The following ANKHD1 variants were observed in gnomAD, a reference collection of about 807,000 sequenced individuals.
ANKHD1 encodes the protein ankyrin repeat and KH domain containing 1.
In ANKHD1, 31 loss-of-function variants were observed where a neutral mutation model predicts 230.5. The observed-to-expected ratio is 0.13, with a 90% CI of 0.10 to 0.18. The LOEUF (loss-of-function observed/expected upper bound fraction) is 0.18, where lower values mean the gene tolerates loss of function less well. Among genes scored for constraint, ANKHD1 ranks in the 10% least tolerant of loss-of-function variants. The pLI is 1.00. For missense variants in ANKHD1, 2,256 were observed against 3,071.3 expected (o/e 0.73, Z 6.27); for synonymous variants, 1,074 against 1,117.6 (o/e 0.96, Z 0.78).
intron 24 of ANKHD1, among the ~76,000 whole-genome samples, chr5:140,519,719 A>G (rs1166762732): frequency 6.6e-6 from 1 of 152,218 alleles, no homozygotes; most frequent in African/African-American, 2.4e-5. Context: ...AAAACTGGCT[A>G]GCCATATGTA....
At chr5:140,435,093 C>T (rs939872338) in intron 1 of ANKHD1, among the ~76,000 whole-genome samples, 1 of 152,094 alleles carries the variant, frequency 6.6e-6, no homozygotes, top group East Asian at 1.9e-4. Flanking sequence ...GCCAGGTATT[C>T]GTAGGCCCAA....
chr5:140,461,053 A>C (rs1451309748), intron 9 of ANKHD1, among the ~76,000 whole-genome samples: 1 of 152,194 alleles, frequency 6.6e-6, no homozygotes, highest in Non-Finnish European at 1.5e-5. Context: ...GTGCTATTGT[A>C]ACGTGTTTTT....
chr5:140,535,484 A>G lies in ANKHD1; in HGVS notation c.6973A>G (p.Ser2325Gly), dbSNP rs1754027523. ...AGGGCCAGCTCCTGTTGGGACTCCT[A>G]GTTTCAACAGACAACATTTTTCTCC... ...LQGPAPVGTP[S>G]FNRQHFSPHP... The change falls in exon 30 of 34, where the codon AGT becomes GGT. Residue 2325 changes from serine to glycine, a missense_variant. Around this residue, in one of 13 missense-constraint regions of ANKHD1, gnomAD observed 778 missense variants for 966.5 expected, o/e 0.80. Coordinates refer to ENST00000360839, the MANE Select transcript of ANKHD1 (RefSeq NM_017747.3). 6.2e-7 allele frequency: 1 copy of G among 1,612,896 alleles called. No individual in the cohort carries two copies. The highest frequency in any genetic ancestry group is 1.1e-5 in the South Asian group (1 of 90,892).
At chr5:140,446,792 T>C (rs541901101) in intron 6 of ANKHD1, among the ~76,000 whole-genome samples, 1 of 152,326 alleles carries the variant, frequency 6.6e-6, no homozygotes, top group African/African-American at 2.4e-5. Context: ...CAAACATATA[T>C]ATATTTTAAA....
At chr5:140,472,582 G>A (rs1312688158) in intron 10 of ANKHD1, 1 of 555,480 alleles carries the variant, frequency 1.8e-6, no homozygotes, top group African/African-American at 2.0e-5. Context: ...CCTTTATTGG[G>A]AGAGTTAGTA....
Position 140,459,374 on chromosome 5 carries a change from C to A in ANKHD1, c.1672+19C>A. Reference sequence around the variant, plus strand: ...GCTTCTGGTATGTGGCTTTAAGATGCCTTATTGCTCAGAAAGACAAATACA... The same window carrying A: ...GCTTCTGGTATGTGGCTTTAAGATGACTTATTGCTCAGAAAGACAAATACA... On this transcript the variant is annotated intron_variant, in intron 9 of 33. Transcript: ENST00000360839. 6.6e-7 allele frequency: 1 copy of A among 1,518,900 alleles called. No individual in the cohort carries two copies. The highest frequency in any genetic ancestry group is 8.9e-7 in the Non-Finnish European group (1 of 1,125,036). The allele number at this position is 1,518,900 out of a possible 1,614,324, so 94.1% of individuals were successfully genotyped here.
chr5:140,478,979 A>T (rs868503539), intron 10 of ANKHD1, among the ~76,000 whole-genome samples: 2 of 121,874 alleles, frequency 1.6e-5, no homozygotes, highest in East Asian at 2.3e-4. Context: ...TTTTTATTTT[A>T]TTTATTTTTT....
intron 14 of ANKHD1, among the ~76,000 whole-genome samples, chr5:140,490,036 T>G (rs1335041067): frequency 1.3e-5 from 2 of 152,244 alleles, no homozygotes; most frequent in Admixed American, 1.3e-4. Flanking sequence ...ACTTAACTTT[T>G]TTTTTATACT....
intron 7 of ANKHD1, 93 bp from the exon 8 acceptor site, chr5:140,458,531 CT>C: frequency 2.3e-6 from 3 of 1,332,924 alleles, no homozygotes; most frequent in Non-Finnish European, 3.1e-6. Flanking sequence ...TTTTTTCTTC[CT>C]TTTTCCAATC....
chr5:140,406,409 C>A lies in ANKHD1; in HGVS notation c.306+4136C>A, dbSNP rs1770449114. Among the ~76,000 whole-genome samples the A allele has an allele frequency of 2.6e-5, 4 of 152,092 alleles. No homozygotes were observed. In the South Asian group the frequency reaches 8.3e-4, roughly 32 times the overall value. The stretch of plus-strand genomic sequence containing the variant: ...TATTTTTGCTCTAGAATTAGTTGGT[C>A]TTCTACATTTTGTGTACAGAGGAGT... On this transcript the variant is annotated intron_variant, in intron 1 of 33. Transcript: ENST00000360839.
intron 7 of ANKHD1, among the ~76,000 whole-genome samples, chr5:140,456,826 G>A (rs963435505): frequency 3.9e-5 from 6 of 152,086 alleles, no homozygotes; most frequent in South Asian, 4.1e-4. Flanking sequence ...AACACCAAAA[G>A]CAATGGCAAC....
chr5:140,419,836 TTTTC>T (rs1561691313), intron 1 of ANKHD1, among the ~76,000 whole-genome samples: 1 of 119,096 alleles, frequency 8.4e-6, no homozygotes, highest in African/African-American at 3.1e-5. Context: ...CTTTCTTTCT[TTTTC>T]TTTCTCTTTC....
Position 140,410,122 on chromosome 5 carries a change from A to G in ANKHD1, c.306+7849A>G, listed in dbSNP as rs77455468. On this transcript the variant is annotated intron_variant, in intron 1 of 33. Transcript: ENST00000360839. ...TAAGGGCAGATACAGTGAAGTCTCA[A>G]TCTCACCCTGCTCCCACATATCTTG... 4.9e-3 allele frequency among the ~76,000 whole-genome samples: 747 copies of G among 152,248 alleles called. 5 individuals are homozygous for G. Among genetic ancestry groups the G allele is most frequent in the African/African-American group, 0.016 (669 of 41,540 alleles).
At chr5:140,450,618 C>T (rs1037946396) in intron 7 of ANKHD1, among the ~76,000 whole-genome samples, 1 of 152,032 alleles carries the variant, frequency 6.6e-6, no homozygotes, top group Non-Finnish European at 1.5e-5. Context: ...TGGCTCATTA[C>T]AGCCTGTACC....
Position 140,415,945 on chromosome 5 carries a change from AC to A in ANKHD1, c.306+13676del, listed in dbSNP as rs1380503276. On this transcript the variant is annotated intron_variant, in intron 1 of 33. Transcript: ENST00000360839. ...AATGCTATCCCTTCCCCCTCCCCTGACCCCACGACAGGCCCCGGTGTGTGAT... is the reference window on the plus strand; with the variant it reads ...AATGCTATCCCTTCCCCCTCCCCTGACCCACGACAGGCCCCGGTGTGTGAT... 2.6e-5 allele frequency among the ~76,000 whole-genome samples: 4 copies of A among 151,510 alleles called. No individual in the cohort carries two copies. The East Asian group carries it at 7.7e-4, about 29-fold the overall frequency.
intron 15 of ANKHD1, among the ~76,000 whole-genome samples, chr5:140,503,953 GAT>G (rs1184808074): frequency 1.3e-5 from 2 of 152,136 alleles, no homozygotes; most frequent in Admixed American, 1.3e-4. Context: ...TGGACTTTCA[GAT>G]ACTGATTTTT....
intron 1 of ANKHD1, among the ~76,000 whole-genome samples, chr5:140,402,485 C>T (rs927037738): frequency 6.6e-6 from 1 of 152,206 alleles, no homozygotes; most frequent in East Asian, 1.9e-4. Flanking sequence ...CATTCGTAGA[C>T]CCACAATAGG....
intron 29 of ANKHD1, among the ~76,000 whole-genome samples, chr5:140,530,182 T>C (rs1048605245): frequency 6.6e-6 from 1 of 151,888 alleles, no homozygotes; most frequent in Non-Finnish European, 1.5e-5. Context: ...AGCTATTTGT[T>C]TTTTATGTAT....
intron 1 of ANKHD1, among the ~76,000 whole-genome samples, chr5:140,419,903 G>A (rs1294870290): frequency 3.5e-5 from 1 of 28,540 alleles, no homozygotes; most frequent in Non-Finnish European, 6.4e-5. Context: ...CCTTCCTTCC[G>A]TCTGTCCTTC....
Sources: allele counts gnomAD v4.1 joint callset (sites outside exome capture counted in the v4.1 genomes callset), GRCh38; gene constraint gnomAD v4.1.1; regional missense constraint gnomAD v4.1.1; transcripts MANE v1.5; gene names NCBI Gene and HGNC (gene_info 2026-07-23, HGNC 2026-07-21).